SLC9D1: variants seen among roughly 807,000 people sequenced by gnomAD.
SLC9D1 encodes putative LAG1-interacting protein.
At chr13:113,544,204 C>T in the SLC9D1 span, among the ~76,000 whole-genome samples, 12 of 152,228 alleles carry the variant, frequency 7.9e-5, no homozygotes, top group African/African-American at 2.4e-4. Context: ...TGGCAGGCGT[C>T]GCTCTCAGGT....
chr13:113,511,019 C>T, the SLC9D1 span, among the ~76,000 whole-genome samples: 11 of 128,074 alleles, frequency 8.6e-5, no homozygotes, highest in East Asian at 2.3e-4. Flanking sequence ...TAGGCAGGAC[C>T]GTGTCCCTGT....
chr13:113,548,369 G>C, the SLC9D1 span: 1 of 1,613,856 alleles, frequency 6.2e-7, no homozygotes, highest in Non-Finnish European at 8.5e-7. Context: ...CAAGTGGATC[G>C]TCTCTGCGGG....
At chr13:113,534,251 A>G in the SLC9D1 span, 1 of 1,597,348 alleles carries the variant, frequency 6.3e-7, no homozygotes, top group Non-Finnish European at 8.6e-7. Flanking sequence ...GTAATTCTCA[A>G]ACTATGTGTT....
At chr13:113,534,146 T>C in the SLC9D1 span, 2 of 1,611,982 alleles carry the variant, frequency 1.2e-6, no homozygotes, top group African/African-American at 1.3e-5. Flanking sequence ...AAGTATCTCA[T>C]TGGACCCTAT....
At chr13:113,501,819 C>G in the SLC9D1 span, 7 of 1,610,114 alleles carry the variant, frequency 4.3e-6, no homozygotes, top group African/African-American at 5.3e-5. Context: ...GGATTGCCTA[C>G]AATGTTTGGT....
At chr13:113,527,512 T>G in the SLC9D1 span, 2 of 152,236 alleles carry the variant, frequency 1.3e-5, no homozygotes, top group Admixed American at 6.5e-5. Context: ...CCCCGGCTTC[T>G]GTGTTCCAGC....
At chr13:113,521,043 T>C in the SLC9D1 span, among the ~76,000 whole-genome samples, 31,966 of 152,028 alleles carry the variant, frequency 0.21, 4,088 homozygotes, top group African/African-American at 0.36. Context: ...TAGAACAATG[T>C]CCAGAACGTA....
At chr13:113,503,043 G>A in the SLC9D1 span, among the ~76,000 whole-genome samples, 1 of 152,246 alleles carries the variant, frequency 6.6e-6, no homozygotes, top group Non-Finnish European at 1.5e-5. Flanking sequence ...AGTTTTTGGA[G>A]TAGGTCTTTT....
chr13:113,527,138 T>G, the SLC9D1 span: 2 of 152,216 alleles, frequency 1.3e-5, no homozygotes, highest in Non-Finnish European at 2.9e-5. Context: ...ATTGTTGTCT[T>G]TTCTCTTCTT....
chr13:113,502,460 G>A, the SLC9D1 span, among the ~76,000 whole-genome samples: 23 of 152,158 alleles, frequency 1.5e-4, no homozygotes, highest in Admixed American at 9.8e-4. Flanking sequence ...TAATCCGCCC[G>A]CCTCGGCCTC....
the SLC9D1 span, among the ~76,000 whole-genome samples, chr13:113,508,226 T>C: frequency 6.6e-6 from 1 of 152,232 alleles, no homozygotes; most frequent in Non-Finnish European, 1.5e-5. Flanking sequence ...CTGTTCTCTA[T>C]AGAAACTAAA....
At chr13:113,534,428 G>A in the SLC9D1 span, 314 of 598,718 alleles carry the variant, frequency 5.2e-4, 1 homozygote, top group East Asian at 3.5e-3. Context: ...AGCTAAACCC[G>A]TTTAACTGGT....
the SLC9D1 span, chr13:113,510,164 T>C: frequency 1.5e-6 from 2 of 1,352,938 alleles, no homozygotes; most frequent in Non-Finnish European, 2.1e-6. Flanking sequence ...GATGCAGAAA[T>C]GCGTGAAGTC....
chr13:113,547,557 C>A, the SLC9D1 span, among the ~76,000 whole-genome samples: 4 of 152,162 alleles, frequency 2.6e-5, no homozygotes, highest in African/African-American at 4.8e-5. Flanking sequence ...CGAGGCTGGG[C>A]GGTCTGGGTT....
the SLC9D1 span, among the ~76,000 whole-genome samples, chr13:113,497,384 GTGTGTGAGACCTGCAGC>G: frequency 2.7e-5 from 4 of 147,992 alleles, no homozygotes; most frequent in African/African-American, 1.0e-4. Context: ...GAGACCAGCT[GTGTGTGAGACCTGCAGC>G]TGTGTGAGAC....
the SLC9D1 span, among the ~76,000 whole-genome samples, chr13:113,508,635 G>A: frequency 6.6e-6 from 1 of 152,156 alleles, no homozygotes; most frequent in Non-Finnish European, 1.5e-5. Flanking sequence ...AGTGGCATCT[G>A]CTGGCCTCCT....
the SLC9D1 span, among the ~76,000 whole-genome samples, chr13:113,526,914 T>C: frequency 1.3e-5 from 2 of 152,258 alleles, no homozygotes; most frequent in Admixed American, 6.5e-5. Context: ...TGTTTAGATA[T>C]GCAAATACTT....
At chr13:113,544,765 T>C in the SLC9D1 span, among the ~76,000 whole-genome samples, 1 of 152,218 alleles carries the variant, frequency 6.6e-6, no homozygotes, top group Non-Finnish European at 1.5e-5. Context: ...TTCTCACGCA[T>C]GTGGCCTCAT....
the SLC9D1 span, among the ~76,000 whole-genome samples, chr13:113,535,700 T>C: frequency 2.6e-5 from 4 of 151,792 alleles, no homozygotes; most frequent in South Asian, 8.3e-4. This position sits in a 1 kb window ranked among gnomAD's most constrained non-coding sequence, Gnocchi z 4.1. Flanking sequence ...TGTGGTTCTT[T>C]TTATGTCACA....
Sources: allele counts gnomAD v4.1 joint callset (sites outside exome capture counted in the v4.1 genomes callset), GRCh38; gene constraint gnomAD v4.1.1; non-coding constraint Gnocchi (gnomAD v3.1); transcripts MANE v1.5; gene names NCBI Gene and HGNC (gene_info 2026-07-23, HGNC 2026-07-21).